Variants in RASSF10 observed in about 807,000 individuals in gnomAD.
The protein encoded by RASSF10 is ras association domain-containing protein 10.
In RASSF10, 22 loss-of-function variants were observed where a neutral mutation model predicts 41.5. The ratio of observed to expected loss-of-function variants is 0.53; its 90% CI spans 0.38 to 0.76. The LOEUF (loss-of-function observed/expected upper bound fraction) is 0.76. Ranked by LOEUF, RASSF10 falls within the 30% of genes least tolerant of loss-of-function variation. RASSF10 has a pLI of 0.00. For missense variants in RASSF10, 776 were observed against 711.8 expected (o/e 1.09, Z -1.03); for synonymous variants, 364 against 319.0 (o/e 1.14, Z -1.50).
Position 13,011,109 on chromosome 11 carries a change from G to A in RASSF10, c.*9G>A. The stretch of plus-strand genomic sequence containing the variant: ...GCGAATCCCTTGTGTAGGGGTGGGG[G>A]GCGGGGGGCGGGGGGCGGGAACAGG... On this transcript the variant is annotated 3_prime_UTR_variant, in exon 1 of 1. Coordinates refer to ENST00000529419, the MANE Select transcript of RASSF10 (RefSeq NM_001080521.3). The A allele has an allele frequency of 1.0e-5, 2 of 199,650 alleles. No individual in the cohort carries two copies. The highest frequency in any genetic ancestry group is 2.1e-5 in the Non-Finnish European group (2 of 97,134). The allele number at this position is 199,650 out of a possible 1,614,324, so 12.4% of individuals were successfully genotyped here.
At position 13,009,737 on chromosome 11, in the gene RASSF10, C is replaced by G. The variant is rs901076428; in HGVS notation, c.161C>G (p.Ser54Trp). The G allele has an allele frequency of 1.5e-5, 23 of 1,578,852 alleles. No homozygotes were observed. The highest frequency in any genetic ancestry group is 1.7e-4 in the Middle Eastern group (1 of 5,926). ...RRQRRSRRLGSAGDPHGPGEL... is the reference protein window; with the variant it reads ...RRQRRSRRLGWAGDPHGPGEL... ...CAGCGGCGGAGCCGGCGGCTGGGGT[C>G]GGCCGGCGACCCGCATGGCCCGGGA... The change falls in exon 1 of 1, where the codon TCG becomes TGG. Residue 54 changes from serine (S) to tryptophan (W), a missense_variant. Physicochemically the swap from Ser to Trp is radical, Grantham distance 177 (BLOSUM62 -3). Transcript: ENST00000529419.
At position 13,010,638 on chromosome 11, in the gene RASSF10, C is replaced by T. The variant is rs1274799740; in HGVS notation, c.1062C>T (p.Leu354=). The T allele has an allele frequency of 6.3e-7, 1 of 1,591,726 alleles. No homozygotes were observed. The highest frequency in any genetic ancestry group is 8.5e-7 in the Non-Finnish European group (1 of 1,169,910). ...ERLSAEIQEE[L]NQRWMRRRQE... ...TTTCAGCCGAGATTCAGGAGGAACT[C>T]AACCAGAGGTGGATGCGACGGCGCC... Residue 354 remains leucine (L), a synonymous_variant, in exon 1 of 1, where the codon CTC becomes CTT. Transcript: ENST00000529419. This position sits in a 1 kb window ranked among gnomAD's most constrained non-coding sequence, Gnocchi z 4.8.
Position 13,010,300 on chromosome 11 carries a change from C to T in RASSF10, c.724C>T (p.Gln242Ter). The change falls in exon 1 of 1, where the codon CAG (glutamine) becomes TAG (stop). Residue 242 changes from glutamine to a stop codon, truncating the protein, a stop_gained. Coordinates refer to ENST00000529419, the MANE Select transcript of RASSF10 (RefSeq NM_001080521.3). LOFTEE classifies it high-confidence loss of function. The surrounding 1 kb of genome is among the most constrained non-coding windows in gnomAD (Gnocchi z 4.8). ...VLSQDHTIRQQVQRLHELDRE... is the reference protein window; with the variant it reads ...VLSQDHTIRQ ...TTCCCAGGACCACACAATTCGCCAG[C>T]AGGTGCAGCGGCTCCACGAGCTGGA... is the stretch of plus-strand genomic sequence containing the variant. The T allele has an allele frequency of 6.4e-7, 1 of 1,553,272 alleles. No individual in the cohort carries two copies. Among genetic ancestry groups the T allele is most frequent in the Non-Finnish European group, 8.7e-7 (1 of 1,148,240 alleles).
chr11:13,009,383 G>A lies in RASSF10; in HGVS notation c.-194G>A. ...GGAGCGCCCGTCGTCCGGGCAGAGC[G>A]CAGCCGCAACCGCGACCACAGCCGC... On this transcript the variant is annotated 5_prime_UTR_variant, in exon 1 of 1. Coordinates refer to ENST00000529419, the MANE Select transcript of RASSF10 (RefSeq NM_001080521.3). 2 of 1,314,962 alleles carry A rather than the reference G, an allele frequency of 1.5e-6. No individual in the cohort carries two copies. Among genetic ancestry groups the A allele is most frequent in the South Asian group, 1.4e-5 (1 of 72,348 alleles). The allele number at this position is 1,314,962 out of a possible 1,614,324, so 81.5% of individuals were successfully genotyped here. A position where few individuals can be genotyped will look rare whatever the true frequency, so the allele number is the denominator to read the frequency against.
rs560159485 is a variant in RASSF10, at chr11:13,010,383, G to T, written c.807G>T (p.Gly269=). 25 of 1,551,154 alleles carry T rather than the reference G, an allele frequency of 1.6e-5. No individual in the cohort carries two copies. The South Asian group carries it at 2.7e-4, about 17-fold the overall frequency. The part of the protein sequence containing the change: ...KVHLDRMRRH[G]VNYVQDTYLV... ...ACCTGGACCGCATGCGGCGTCACGG[G>T]GTCAACTACGTGCAGGACACTTACT... The change falls in exon 1 of 1, where the codon GGG becomes GGT. Residue 269 remains glycine (G), a synonymous_variant. Coordinates refer to ENST00000529419, the MANE Select transcript of RASSF10 (RefSeq NM_001080521.3). This position sits in a 1 kb window ranked among gnomAD's most constrained non-coding sequence, Gnocchi z 4.8.
rs1949573299 is a variant in RASSF10, at chr11:13,010,800, A to G, written c.1224A>G (p.Leu408=). ...LYIGLRLNTD[L]EAVKSDLDYS... ...TTGGGCTGCGGCTCAACACGGACCT[A>G]GAGGCCGTCAAGTCGGACTTGGATT... Residue 408 remains leucine (L), a synonymous_variant, in exon 1 of 1, where the codon CTA becomes CTG. Coordinates refer to ENST00000529419, the MANE Select transcript of RASSF10 (RefSeq NM_001080521.3). The surrounding 1 kb of genome is among the most constrained non-coding windows in gnomAD (Gnocchi z 4.8). 1 of 1,613,184 alleles carries G rather than the reference A, an allele frequency of 6.2e-7. No individual in the cohort carries two copies. Among genetic ancestry groups the G allele is most frequent in the South Asian group, 1.1e-5 (1 of 90,880 alleles).
chr11:13,010,990 C>A lies in RASSF10; in HGVS notation c.1414C>A (p.Arg472Ser). The A allele has an allele frequency of 6.2e-7, 1 of 1,613,544 alleles. No individual in the cohort carries two copies. The change falls in exon 1 of 1, where the codon CGT (arginine) becomes AGT (serine). Residue 472 changes from arginine to serine, a missense_variant. Physicochemically the swap from Arg to Ser is moderately radical, Grantham distance 110. Transcript: ENST00000529419. This position sits in a 1 kb window ranked among gnomAD's most constrained non-coding sequence, Gnocchi z 4.8. ...ACADMWVDQA[R>S]GLAKSGPGND... ...CGCCGACATGTGGGTGGACCAGGCC[C>A]GTGGACTGGCCAAGAGCGGTCCTGG...
Position 13,010,845 on chromosome 11 carries a change from C to T in RASSF10, c.1269C>T (p.Asp423=). 6.2e-7 allele frequency: 1 copy of T among 1,613,912 alleles called. No homozygotes were observed. Among genetic ancestry groups the T allele is most frequent in the Non-Finnish European group, 8.5e-7 (1 of 1,179,862 alleles). The change falls in exon 1 of 1, where the codon GAC becomes GAT. Residue 423 remains aspartate, a synonymous_variant. Transcript: ENST00000529419. This position sits in a 1 kb window ranked among gnomAD's most constrained non-coding sequence, Gnocchi z 4.8. ...TGGATTACAGCCAGCAGCAATGGGA[C>T]AGCAAGAAGCGCGAGCTACAGGGCC... ...SDLDYSQQQW[D]SKKRELQGLL...
At position 13,010,203 on chromosome 11, in the gene RASSF10, C is replaced by A. The variant is rs190366965; in HGVS notation, c.627C>A (p.Ser209=). ...CSSTSSSTAS[S]CSSSPRTHES... is the part of the protein sequence containing the mutation. ...CCACTTCGTCGTCCACTGCCTCGTCCTGCTCTTCGTCGCCGCGGACCCACG... is the reference window on the plus strand; with the variant it reads ...CCACTTCGTCGTCCACTGCCTCGTCATGCTCTTCGTCGCCGCGGACCCACG... The change falls in exon 1 of 1, where the codon TCC becomes TCA. Residue 209 remains serine (S), a synonymous_variant. Transcript: ENST00000529419. This position sits in a 1 kb window ranked among gnomAD's most constrained non-coding sequence, Gnocchi z 4.8. 1.8e-4 allele frequency: 281 copies of A among 1,595,812 alleles called. No homozygotes were observed. The highest frequency in any genetic ancestry group is 2.3e-4 in the Non-Finnish European group (268 of 1,172,794).
Position 13,009,741 on chromosome 11 carries a change from C to G in RASSF10, c.165C>G (p.Ala55=). 6.3e-7 allele frequency: 1 copy of G among 1,580,676 alleles called. No individual in the cohort carries two copies. The change falls in exon 1 of 1, where the codon GCC becomes GCG. Residue 55 remains alanine, a synonymous_variant. Coordinates refer to ENST00000529419, the MANE Select transcript of RASSF10 (RefSeq NM_001080521.3). ...RQRRSRRLGS[A]GDPHGPGELP... ...GGCGGAGCCGGCGGCTGGGGTCGGC[C>G]GGCGACCCGCATGGCCCGGGAGAGC... is the stretch of plus-strand genomic sequence containing the variant.
chr11:13,011,421 T>A lies in RASSF10; in HGVS notation c.*321T>A, dbSNP rs1386397044. 3 of 256,794 alleles carry A rather than the reference T, an allele frequency of 1.2e-5. No homozygotes were observed. The East Asian group carries it at 2.2e-4, about 19-fold the overall frequency. 15.9% of individuals were successfully genotyped at this position (256,794 alleles called of 1,614,324 possible). On this transcript the variant is annotated 3_prime_UTR_variant, in exon 1 of 1. Coordinates refer to ENST00000529419, the MANE Select transcript of RASSF10 (RefSeq NM_001080521.3). Reference sequence around the variant, plus strand: ...AGCCCATTTTCAAAGTAAGGAAGTATAATGGAGATTTCGCTACTCTTCTGT... The same window carrying A: ...AGCCCATTTTCAAAGTAAGGAAGTAAAATGGAGATTTCGCTACTCTTCTGT...
Position 13,010,577 on chromosome 11 carries a change from A to C in RASSF10, c.1001A>C (p.Glu334Ala), listed in dbSNP as rs1455741079. The C allele has an allele frequency of 6.4e-7, 1 of 1,562,746 alleles. No homozygotes were observed. Among genetic ancestry groups the C allele is most frequent in the East Asian group, 2.4e-5 (1 of 42,016 alleles). The change falls in exon 1 of 1, where the codon GAG (glutamate) becomes GCG (alanine). Residue 334 changes from glutamate (E) to alanine (A), a missense_variant. Coordinates refer to ENST00000529419, the MANE Select transcript of RASSF10 (RefSeq NM_001080521.3). The surrounding 1 kb of genome is among the most constrained non-coding windows in gnomAD (Gnocchi z 4.8). ...RRCDDLLRLQ[E>A]QRVQQEELLE... ...TGCGACGACTTGCTGCGGCTTCAGGAGCAACGGGTTCAGCAGGAGGAGTTG... is the reference window on the plus strand; with the variant it reads ...TGCGACGACTTGCTGCGGCTTCAGGCGCAACGGGTTCAGCAGGAGGAGTTG...
rs1949566882 is a variant in RASSF10 at position 13,010,274 on chromosome 11, T to C, written c.698T>C (p.Leu233Pro). Residue 233 changes from leucine (L) to proline (P), a missense_variant, in exon 1 of 1, where the codon CTT becomes CCT. Coordinates refer to ENST00000529419, the MANE Select transcript of RASSF10 (RefSeq NM_001080521.3). The surrounding 1 kb of genome is among the most constrained non-coding windows in gnomAD (Gnocchi z 4.8). ...ERMETLVHLV[L>P]SQDHTIRQQV... is the part of the protein sequence containing the mutation. ...ATGGAGACGCTGGTGCATCTGGTGC[T>C]TTCCCAGGACCACACAATTCGCCAG... 6.4e-7 allele frequency: 1 copy of C among 1,561,852 alleles called. No individual in the cohort carries two copies.
Position 13,011,192 on chromosome 11 carries a change from G to C in RASSF10, c.*92G>C. The C allele has an allele frequency of 9.2e-7, 1 of 1,090,108 alleles. No individual in the cohort carries two copies. The highest frequency in any genetic ancestry group is 1.6e-5 in the South Asian group (1 of 61,028). The allele number at this position is 1,090,108 out of a possible 1,614,324, so 67.5% of individuals were successfully genotyped here. On this transcript the variant is annotated 3_prime_UTR_variant, in exon 1 of 1. Transcript: ENST00000529419. ...CAGCCGGCTCGCGGACTTGAAACCA[G>C]GCTGTTGCGAGCCCAGAGCTCCGGC...
chr11:13,010,184 C>T lies in RASSF10; in HGVS notation c.608C>T (p.Ser203Leu). The T allele has an allele frequency of 6.3e-7, 1 of 1,593,732 alleles. No individual in the cohort carries two copies. The highest frequency in any genetic ancestry group is 8.5e-7 in the Non-Finnish European group (1 of 1,171,842). ...ACACCGTCGTCCTGTTCGTCCACTT[C>T]GTCGTCCACTGCCTCGTCCTGCTCT... is the stretch of plus-strand genomic sequence containing the variant. ...QQTPSSCSST[S>L]SSTASSCSSS... Residue 203 changes from serine to leucine, a missense_variant, in exon 1 of 1, where the codon TCG becomes TTG. Physicochemically the swap from Ser to Leu is moderately radical, Grantham distance 145 (BLOSUM62 -2). Transcript: ENST00000529419. The surrounding 1 kb of genome is among the most constrained non-coding windows in gnomAD (Gnocchi z 4.8).
Position 13,010,705 on chromosome 11 carries a change from G to A in RASSF10, c.1129G>A (p.Gly377Ser), listed in dbSNP as rs1485652745. Reference sequence around the variant, plus strand: ...GCGGGAGGAGCCCCTGGAGCCCGACGGTGGCCCCGACGGCGAGCTGCTGCT... The same window carrying A: ...GCGGGAGGAGCCCCTGGAGCCCGACAGTGGCCCCGACGGCGAGCTGCTGCT... ...AAREEPLEPD[G>S]GPDGELLLEQ... The change falls in exon 1 of 1, where the codon GGT (glycine) becomes AGT (serine). Residue 377 changes from glycine to serine, a missense_variant. Transcript: ENST00000529419. This position sits in a 1 kb window ranked among gnomAD's most constrained non-coding sequence, Gnocchi z 4.8. 6.3e-7 allele frequency: 1 copy of A among 1,593,244 alleles called. No individual in the cohort carries two copies.
At position 13,009,330 on chromosome 11, in the gene RASSF10, G is replaced by C. The variant is rs762573044; in HGVS notation, c.-247G>C. 11 of 887,148 alleles carry C rather than the reference G, an allele frequency of 1.2e-5. No homozygotes were observed. In the Admixed American group the frequency reaches 1.6e-4, roughly 13 times the overall value. 55.0% of individuals were successfully genotyped at this position (887,148 alleles called of 1,614,324 possible). The stretch of plus-strand genomic sequence containing the variant: ...GCACCTTGGGCAGAGCCAGAGCGGC[G>C]GGAGCCGGTCCTGGGCGCGTTGCCC... On this transcript the variant is annotated 5_prime_UTR_variant, in exon 1 of 1. Transcript: ENST00000529419.
Position 13,011,215 on chromosome 11 carries a change from G to A in RASSF10, c.*115G>A, listed in dbSNP as rs1949578117. Reference sequence around the variant, plus strand: ...CAGGCTGTTGCGAGCCCAGAGCTCCGGCTGGGCAGCAGCGCTCTGCGCAGC... The same window carrying A: ...CAGGCTGTTGCGAGCCCAGAGCTCCAGCTGGGCAGCAGCGCTCTGCGCAGC... On this transcript the variant is annotated 3_prime_UTR_variant, in exon 1 of 1. Transcript: ENST00000529419. 2 of 855,490 alleles carry A rather than the reference G, an allele frequency of 2.3e-6. No homozygotes were observed. Among genetic ancestry groups the A allele is most frequent in the Admixed American group, 2.9e-5 (1 of 35,064 alleles). 53.0% of individuals were successfully genotyped at this position (855,490 alleles called of 1,614,324 possible).
In RASSF10 at chr11:13,010,829, G is replaced by A; in HGVS notation, c.1253G>A (p.Ser418Asn). The A allele has an allele frequency of 6.2e-7, 1 of 1,613,932 alleles. No homozygotes were observed. The highest frequency in any genetic ancestry group is 8.5e-7 in the Non-Finnish European group (1 of 1,179,870). The change falls in exon 1 of 1, where the codon AGC becomes AAC. Residue 418 changes from serine to asparagine, a missense_variant. Physicochemically the swap from Ser to Asn is conservative, Grantham distance 46. Coordinates refer to ENST00000529419, the MANE Select transcript of RASSF10 (RefSeq NM_001080521.3). This position sits in a 1 kb window ranked among gnomAD's most constrained non-coding sequence, Gnocchi z 4.8. ...LEAVKSDLDY[S>N]QQQWDSKKRE... is the part of the protein sequence containing the mutation. The stretch of plus-strand genomic sequence containing the variant: ...GCCGTCAAGTCGGACTTGGATTACA[G>A]CCAGCAGCAATGGGACAGCAAGAAG...
Sources: gnomAD v4.1 joint callset for allele counts on GRCh38, gnomAD v4.1.1 for gene constraint, Gnocchi (gnomAD v3.1) non-coding constraint, MANE v1.5 for transcripts, NCBI Gene and HGNC (gene_info 2026-07-23, HGNC 2026-07-21) for gene names.